Variants in SUCLG1 observed in about 807,000 individuals in gnomAD.
The protein encoded by SUCLG1 is succinate-CoA ligase GDP/ADP-forming subunit alpha, also known as succinate--CoA ligase [ADP/GDP-forming] subunit alpha, mitochondrial.
In SUCLG1, 26 loss-of-function variants were observed where a neutral mutation model predicts 37.3. That is an observed-to-expected ratio of 0.70 (90% CI 0.51 to 0.97). SUCLG1 has a LOEUF of 0.97. Ranked by LOEUF, SUCLG1 falls within the 50% of genes least tolerant of loss-of-function variation. The pLI is 0.00. For synonymous variants in SUCLG1, 163 were observed against 155.6 expected (o/e 1.05, Z -0.36); for missense variants, 433 against 432.9 (o/e 1.00, Z 0.00).
At chr2:84,455,269 C>T (rs1198999275) in intron 1 of SUCLG1, among the ~76,000 whole-genome samples, 5 of 152,054 alleles carry the variant, frequency 3.3e-5, no homozygotes, top group Admixed American at 6.5e-5. Flanking sequence ...ATGAGGCGGG[C>T]GGATCACCTG....
intron 7 of SUCLG1, among the ~76,000 whole-genome samples, chr2:84,427,808 T>G (rs773712998): frequency 1.2e-4 from 18 of 152,228 alleles, no homozygotes; most frequent in Non-Finnish European, 2.6e-4. Flanking sequence ...ACAACTCAAT[T>G]GTGACAATGC....
intron 1 of SUCLG1, among the ~76,000 whole-genome samples, chr2:84,457,279 T>C (rs1005944286): frequency 7.2e-5 from 11 of 152,226 alleles, no homozygotes; most frequent in Non-Finnish European, 1.5e-4. Flanking sequence ...GTTAGAGTTT[T>C]GTGAATTTAG....
intron 7 of SUCLG1, 119 bp downstream of exon 7, chr2:84,431,389 G>T: frequency 7.4e-7 from 1 of 1,360,368 alleles, no homozygotes; most frequent in Non-Finnish European, 1.0e-6. Context: ...GCCCTGCTCA[G>T]AAAGTTTTAT....
In SUCLG1 at chr2:84,439,095, C is replaced by A. The variant is rs142699266; in HGVS notation, c.589+1952G>T. Among the ~76,000 whole-genome samples, 49 of 151,782 alleles carry A rather than the reference C, an allele frequency of 3.2e-4. No individual in the cohort carries two copies. The East Asian group carries it at 8.0e-3, about 25-fold the overall frequency. ...CCTTTAAGAGCTGTAACACTCACTG[C>A]GAAGGTCCGCGGCTTCATTGAAGTC... is the stretch of plus-strand genomic sequence containing the variant. On this transcript the variant is annotated intron_variant, in intron 5 of 8. Transcript: ENST00000393868.
At chr2:84,437,650 A>G (rs1672708079) in intron 5 of SUCLG1, among the ~76,000 whole-genome samples, 1 of 152,224 alleles carries the variant, frequency 6.6e-6, no homozygotes, top group Non-Finnish European at 1.5e-5. Context: ...CTGGATAGCA[A>G]TTCAGCAGTT....
At chr2:84,441,718 T>G (rs1435367671) in intron 3 of SUCLG1, among the ~76,000 whole-genome samples, 1 of 152,164 alleles carries the variant, frequency 6.6e-6, no homozygotes, top group East Asian at 1.9e-4. Flanking sequence ...TCAGTAAATC[T>G]GAAAGCAGCC....
intron 5 of SUCLG1, among the ~76,000 whole-genome samples, chr2:84,434,933 CG>C (rs1003433598): frequency 4.4e-4 from 67 of 152,288 alleles, no homozygotes; most frequent in African/African-American, 1.5e-3. Context: ...ATGGTGTGTA[CG>C]TAACTTAGTC....
At chr2:84,426,277 TAAAAAAAA>T (rs57658663) in intron 7 of SUCLG1, 2 of 135,946 alleles carry the variant, frequency 1.5e-5, no homozygotes, top group Non-Finnish European at 3.2e-5. Flanking sequence ...TTCTGAGGTT[TAAAAAAAA>T]AAAAAAAGAA....
Position 84,429,843 on chromosome 2 carries a change from G to T in SUCLG1, c.825+1665C>A, listed in dbSNP as rs566321193. 4.7e-4 allele frequency among the ~76,000 whole-genome samples: 72 copies of T among 152,240 alleles called. 1 individual carries two copies. Among genetic ancestry groups the T allele is most frequent in the Admixed American group, 2.2e-3 (33 of 15,286 alleles). On this transcript the variant is annotated intron_variant, in intron 7 of 8. Transcript: ENST00000393868. ...AACAGAATGGCCTAAGAGTAAAGGG[G>T]GGTGGTTGGAGAAAATAAGAGAGAT... is the stretch of plus-strand genomic sequence containing the variant.
Position 84,431,619 on chromosome 2 carries a change from G to A in SUCLG1, c.714C>T (p.Asp238=). The A allele has an allele frequency of 6.2e-7, 1 of 1,613,910 alleles. No homozygotes were observed. The highest frequency in any genetic ancestry group is 8.5e-7 in the Non-Finnish European group (1 of 1,179,926). The change falls in exon 7 of 9, where the codon GAC becomes GAT. Residue 238 remains aspartate, a synonymous_variant. Coordinates refer to ENST00000393868, the MANE Select transcript of SUCLG1 (RefSeq NM_003849.4). ...GDPFNGTDFI[D]CLEIFLNDSA... is the part of the protein sequence containing the mutation. ...AATCGTTCAAAAAGATTTCGAGGCA[G>A]TCAATAAAATCTGTTCCATTAAAAG...
intron 1 of SUCLG1, among the ~76,000 whole-genome samples, chr2:84,455,486 C>T (rs1490968824): frequency 9.1e-5 from 3 of 33,090 alleles, no homozygotes; most frequent in African/African-American, 1.5e-4. Context: ...AAGAGCAAAA[C>T]TCTGTCTCAA....
At chr2:84,445,336 A>G (rs1216559512) in intron 2 of SUCLG1, among the ~76,000 whole-genome samples, 1 of 152,128 alleles carries the variant, frequency 6.6e-6, no homozygotes, top group Non-Finnish European at 1.5e-5. Flanking sequence ...TCTCTTTTTC[A>G]TCTAAATTCA....
chr2:84,425,437 T>C lies in SUCLG1; in HGVS notation c.992A>G (p.Gln331Arg), dbSNP rs1170225344. The C allele has an allele frequency of 1.2e-6, 2 of 1,614,200 alleles. No homozygotes were observed. The highest frequency in any genetic ancestry group is 2.2e-5 in the South Asian group (2 of 91,084). ...CACCTTGTAGATCGTGGTTCCCAGC[T>C]GTGCAGGAGACATACTGACCACAAC... Reference protein sequence around the residue: ...AGVVVSMSPAQLGTTIYKEFE... With the variant: ...AGVVVSMSPARLGTTIYKEFE... The change falls in exon 8 of 9, where the codon CAG becomes CGG. Residue 331 changes from glutamine (Q) to arginine (R), a missense_variant. By Grantham distance (43) the Gln-to-Arg change is conservative (BLOSUM62 1). Transcript: ENST00000393868.
At chr2:84,438,800 C>T (rs909630032) in intron 5 of SUCLG1, among the ~76,000 whole-genome samples, 2 of 152,192 alleles carry the variant, frequency 1.3e-5, no homozygotes, top group Non-Finnish European at 2.9e-5. Flanking sequence ...GATTGTAAAA[C>T]GCACCAATCA....
Position 84,441,370 on chromosome 2 carries a change from T to G in SUCLG1, c.408A>C (p.Glu136Asp). 6.2e-7 allele frequency: 1 copy of G among 1,614,172 alleles called. No homozygotes were observed. The highest frequency in any genetic ancestry group is 2.2e-5 in the East Asian group (1 of 44,882). Residue 136 changes from glutamate (E) to aspartate (D), a missense_variant, in exon 4 of 9, where the codon GAA (glutamate) becomes GAC (aspartate). Transcript: ENST00000393868. ...CAGTGATACACACAACCAAGGGAAT[T>G]TCTGCCTCAATAGCTTCATTAATGG... ...AAAINEAIEA[E>D]IPLVVCITEG...
At chr2:84,437,835 G>A (rs1672710502) in intron 5 of SUCLG1, among the ~76,000 whole-genome samples, 1 of 152,180 alleles carries the variant, frequency 6.6e-6, no homozygotes, top group South Asian at 2.1e-4. Context: ...CAGGTGAATG[G>A]TTAAACAAAC....
At chr2:84,441,926 T>G (rs1189903059) in intron 3 of SUCLG1, among the ~76,000 whole-genome samples, 2 of 152,186 alleles carry the variant, frequency 1.3e-5, no homozygotes, top group African/African-American at 4.8e-5. Context: ...TTACATAGTT[T>G]TCTACCTCTA....
chr2:84,425,812 A>G (rs1019190005), intron 7 of SUCLG1: 1 of 606,024 alleles, frequency 1.7e-6, no homozygotes, highest in Non-Finnish European at 2.9e-6. Flanking sequence ...CAGGAATACA[A>G]CACTGTGCCA....
At position 84,444,849 on chromosome 2, in the gene SUCLG1, T is replaced by C. The variant is rs149141367; in HGVS notation, c.202-1449A>G. ...AAAGAATTCAGAGATATTTCTCCCA[T>C]TTGCTTTTGAAAAAATATGGCTCTG... On this transcript the variant is annotated intron_variant, in intron 2 of 8. Coordinates refer to ENST00000393868, the MANE Select transcript of SUCLG1 (RefSeq NM_003849.4). 7.9e-5 allele frequency among the ~76,000 whole-genome samples: 12 copies of C among 152,334 alleles called. No individual in the cohort carries two copies. In the East Asian group the frequency reaches 2.3e-3, roughly 29 times the overall value.
Sources: gnomAD v4.1 joint callset for allele counts (sites outside exome capture counted in the v4.1 genomes callset) on GRCh38, gnomAD v4.1.1 for gene constraint, MANE v1.5 for transcripts, NCBI Gene and HGNC (gene_info 2026-07-23, HGNC 2026-07-21) for gene names.